DCAF4: variants seen among roughly 807,000 people sequenced by gnomAD.
DCAF4 encodes DDB1- and CUL4-associated factor 4.
DCAF4 carries 37 observed loss-of-function variants against 60.9 expected under a neutral mutation model. That is an observed-to-expected ratio of 0.61 (90% CI 0.47 to 0.80). The LOEUF (loss-of-function observed/expected upper bound fraction) is 0.80, where lower values mean the gene tolerates loss of function less well. DCAF4 is among the 30% of genes least tolerant of loss of function. The pLI is 0.00. For synonymous variants in DCAF4, 243 were observed against 254.8 expected, an observed-to-expected ratio of 0.95 and a Z score of 0.44; for missense variants, 577 against 650.0, an observed-to-expected ratio of 0.89 and a Z score of 1.22.
intron 3 of DCAF4, 79 bp from the exon 4 acceptor site, chr14:72,940,141 G>A (rs1298454107): frequency 9.0e-6 from 14 of 1,564,078 alleles, no homozygotes; most frequent in South Asian, 4.5e-5. Context: ...CGAGGTGGGG[G>A]GACAGGCCAC....
At chr14:72,935,490 G>C (rs1359728477) in intron 1 of DCAF4, among the ~76,000 whole-genome samples, 1 of 152,210 alleles carries the variant, frequency 6.6e-6, no homozygotes. Flanking sequence ...CCTGACCTCA[G>C]GTGATCCACC....
downstream of DCAF4, chr14:72,961,954 A>G: frequency 2.6e-6 from 3 of 1,143,226 alleles, no homozygotes; most frequent in South Asian, 2.8e-5. Flanking sequence ...TCTCCGTCGG[A>G]GCACGTCTGT....
chr14:72,943,147 A>C (rs1313702929), intron 6 of DCAF4, 51 bp downstream of exon 6: 1 of 1,549,784 alleles, frequency 6.5e-7, no homozygotes, highest in Non-Finnish European at 8.9e-7. Flanking sequence ...CCCTCTGGAC[A>C]CTTTGTGGCT....
At chr14:72,951,749 C>T (rs201392432) in intron 8 of DCAF4, 49 bp from the exon 9 acceptor site, 70 of 1,586,628 alleles carry the variant, frequency 4.4e-5, no homozygotes, top group Non-Finnish European at 5.8e-5. Context: ...TCCATGCCTC[C>T]TCCCAGAGGG....
intron 13 of DCAF4, chr14:72,958,247 C>T (rs2806032): frequency 1 from 311,372 of 311,750 alleles, 155,499 homozygotes; most frequent in Non-Finnish European, 1. Context: ...CACTCCAGCC[C>T]GGGCGACAGA....
intron 9 of DCAF4, 128 bp downstream of exon 9, chr14:72,952,005 G>C: frequency 4.3e-6 from 4 of 935,330 alleles, no homozygotes; most frequent in South Asian, 3.0e-5. Context: ...CTGTCCCAGG[G>C]TTAGTACCAG....
rs1892651670 is a variant in DCAF4 at position 72,958,998 on chromosome 14, TGA to T, written c.*199_*200del. 1 of 1,257,890 alleles carries T rather than the reference TGA, an allele frequency of 7.9e-7. No individual in the cohort carries two copies. The highest frequency in any genetic ancestry group is 3.7e-5 in the Admixed American group (1 of 26,680). The allele number at this position is 1,257,890 out of a possible 1,614,324, so 77.9% of individuals were successfully genotyped here. ...AAGTTATTTGAGTTAAATTGCTGGC[TGA>T]GAGAGCTTGGAAGTCCTTTTCATAA... On this transcript the variant is annotated 3_prime_UTR_variant, in exon 14 of 14. Transcript: ENST00000358377.
In DCAF4 at chr14:72,938,009, C is replaced by T. The variant is rs1889521767; in HGVS notation, c.31C>T (p.Arg11Ter). 6.8e-6 allele frequency: 11 copies of T among 1,609,088 alleles called. No homozygotes were observed. The highest frequency in any genetic ancestry group is 8.5e-6 in the Non-Finnish European group (10 of 1,178,624). MNKSRWQSRRRHGRRSHQQNP... is the reference protein window; with the variant it reads MNKSRWQSRR ...TAAAAGTCGCTGGCAGAGTAGAAGACGACATGGGAGAAGAAGCCACCAGCA... is the reference window on the plus strand; with the variant it reads ...TAAAAGTCGCTGGCAGAGTAGAAGATGACATGGGAGAAGAAGCCACCAGCA... Residue 11 changes from arginine to a stop codon, truncating the protein, a stop_gained, in exon 2 of 14, where the codon CGA becomes TGA. Coordinates refer to ENST00000358377, the MANE Select transcript of DCAF4 (RefSeq NM_015604.4). LOFTEE classifies it high-confidence loss of function.
chr14:72,929,980 A>G, intron 1 of DCAF4: 1 of 702,550 alleles, frequency 1.4e-6, no homozygotes, highest in Admixed American at 2.4e-5. Flanking sequence ...AATATTTTTT[A>G]AATTAGCCTG....
At chr14:72,928,595 A>T (rs919672777) in intron 1 of DCAF4, among the ~76,000 whole-genome samples, 1 of 7,318 alleles carries the variant, frequency 1.4e-4, no homozygotes, top group African/African-American at 2.0e-4. Context: ...TTATATATAT[A>T]TATATATATA....
intron 8 of DCAF4, among the ~76,000 whole-genome samples, chr14:72,950,896 C>T (rs1033277338): frequency 1.2e-4 from 19 of 152,048 alleles, no homozygotes; most frequent in South Asian, 6.2e-4. Flanking sequence ...GAACTTACAC[C>T]AATTTGAGAA....
chr14:72,938,164 TG>T (rs1889552363), intron 2 of DCAF4, 94 bp downstream of exon 2: 1 of 1,458,414 alleles, frequency 6.9e-7, no homozygotes, highest in Non-Finnish European at 9.1e-7. Flanking sequence ...GGAGATCACC[TG>T]GGGGCTCGTC....
intron 2 of DCAF4, among the ~76,000 whole-genome samples, chr14:72,939,036 G>A (rs1301820550): frequency 6.6e-6 from 1 of 151,798 alleles, no homozygotes; most frequent in African/African-American, 2.4e-5. Flanking sequence ...CCAGGCCAAG[G>A]CTACATTAAA....
Position 72,948,525 on chromosome 14 carries a change from G to A in DCAF4, c.728+1334G>A, listed in dbSNP as rs2535913. On this transcript the variant is annotated intron_variant, in intron 8 of 13. Transcript: ENST00000358377. Reference sequence around the variant, plus strand: ...TGTTACTATGATGATCTAACCAGAGGGCTAAAGAGGCCAAGCTCTGCAGAA... The same window carrying A: ...TGTTACTATGATGATCTAACCAGAGAGCTAAAGAGGCCAAGCTCTGCAGAA... 0.27 allele frequency among the ~76,000 whole-genome samples: 40,826 copies of A among 152,082 alleles called. 5,914 individuals carry two copies. The highest frequency in any genetic ancestry group is 0.31 in the Non-Finnish European group (21,386 of 67,988).
At position 72,942,998 on chromosome 14, in the gene DCAF4, GC is replaced by G; in HGVS notation, c.439del (p.His147ThrfsTer43). ...CCCCACCCTCTGTTTCTGCAGTTTA[GC>G]CCACGAGCTGCGTCTCAGCTGCATG... The part of the protein sequence containing the change: ...FLNVTNYCHL[A>X]HELRLSCMER... On this transcript the variant is annotated frameshift_variant, in exon 6 of 14. Transcript: ENST00000358377. LOFTEE classifies it high-confidence loss of function. 6.2e-7 allele frequency: 1 copy of G among 1,614,086 alleles called. No individual in the cohort carries two copies. Among genetic ancestry groups the G allele is most frequent in the Non-Finnish European group, 8.5e-7 (1 of 1,179,972 alleles).
chr14:72,958,785 T>G lies in DCAF4; in HGVS notation c.1468T>G (p.Tyr490Asp). 1 of 1,582,136 alleles carries G rather than the reference T, an allele frequency of 6.3e-7. No individual in the cohort carries two copies. The highest frequency in any genetic ancestry group is 1.7e-4 in the Middle Eastern group (1 of 5,874). The change falls in exon 14 of 14, where the codon TAC (tyrosine) becomes GAC (aspartate). Residue 490 changes from tyrosine (Y) to aspartate (D), a missense_variant. By Grantham distance (160) the Tyr-to-Asp change is radical (BLOSUM62 -3). Coordinates refer to ENST00000358377, the MANE Select transcript of DCAF4 (RefSeq NM_015604.4). ...GLLMAVGQDL[Y>D]CYSYS ...GCTCATGGCTGTCGGGCAGGACCTTTACTGTTACTCCTACAGCTAATTCTG... is the reference window on the plus strand; with the variant it reads ...GCTCATGGCTGTCGGGCAGGACCTTGACTGTTACTCCTACAGCTAATTCTG...
At chr14:72,936,180 T>C (rs538759109) in intron 1 of DCAF4, among the ~76,000 whole-genome samples, 1 of 152,348 alleles carries the variant, frequency 6.6e-6, no homozygotes, top group South Asian at 2.1e-4. Flanking sequence ...TAAATACAAC[T>C]GTATTCTTTA....
intron 1 of DCAF4, chr14:72,929,971 A>G: frequency 1.4e-6 from 1 of 739,188 alleles, no homozygotes; most frequent in Non-Finnish European, 2.3e-6. Flanking sequence ...AAGGCCAAAA[A>G]TATTTTTTAA....
chr14:72,943,751 G>T (rs758290434), intron 6 of DCAF4, among the ~76,000 whole-genome samples: 1 of 152,156 alleles, frequency 6.6e-6, no homozygotes, highest in Non-Finnish European at 1.5e-5. Flanking sequence ...GGGCCTGCCC[G>T]GCAAGCCCTA....
Sources: gnomAD v4.1 joint callset for allele counts (sites outside exome capture counted in the v4.1 genomes callset) on GRCh38, gnomAD v4.1.1 for gene constraint, MANE v1.5 for transcripts, NCBI Gene and HGNC (gene_info 2026-07-23, HGNC 2026-07-21) for gene names.